NEK11: variants seen among roughly 807,000 people sequenced by gnomAD.
The protein encoded by NEK11 is NIMA related kinase 11, also known as serine/threonine-protein kinase Nek11.
Under a neutral mutation model 80.7 loss-of-function variants are expected in NEK11, and 72 were observed. That is an observed-to-expected ratio of 0.89 (90% CI 0.74 to 1.08). The LOEUF is 1.08. Among genes scored for constraint, NEK11 ranks in the 50% least tolerant of loss-of-function variants. NEK11 has a pLI of 0.00. For missense variants in NEK11, 764 were observed against 763.6 expected (o/e 1.00, Z -0.01); for synonymous variants, 251 against 260.7 (o/e 0.96, Z 0.36).
At chr3:131,031,701 ATTTGT>A (rs1255343489) in intron 3 of NEK11, among the ~76,000 whole-genome samples, 3 of 152,058 alleles carry the variant, frequency 2.0e-5, no homozygotes, top group African/African-American at 7.2e-5. Flanking sequence ...TTGGCAAGTG[ATTTGT>A]TAGTGATCTT....
chr3:131,177,915 A>T (rs914547331), intron 14 of NEK11, among the ~76,000 whole-genome samples: 1 of 152,212 alleles, frequency 6.6e-6, no homozygotes, highest in Non-Finnish European at 1.5e-5. Context: ...CCTTAAGCAA[A>T]CATCAGAGAG....
At chr3:131,042,502 C>T (rs1277985724) in intron 3 of NEK11, among the ~76,000 whole-genome samples, 2 of 152,164 alleles carry the variant, frequency 1.3e-5, no homozygotes, top group African/African-American at 4.8e-5. Context: ...CCAGGAAGTT[C>T]AAACTGGGTG....
At chr3:131,145,994 G>A (rs2088138293) in intron 7 of NEK11, among the ~76,000 whole-genome samples, 1 of 151,998 alleles carries the variant, frequency 6.6e-6, no homozygotes, top group African/African-American at 2.4e-5. Context: ...TACCATTTGT[G>A]TTATTGATGG....
intron 14 of NEK11, among the ~76,000 whole-genome samples, chr3:131,194,446 A>G (rs1387713306): frequency 6.6e-6 from 1 of 152,112 alleles, no homozygotes; most frequent in African/African-American, 2.4e-5. Flanking sequence ...AGGTGTTTTC[A>G]ATAGGATCCT....
intron 4 of NEK11, among the ~76,000 whole-genome samples, chr3:131,103,570 T>A (rs2078716535): frequency 6.6e-6 from 1 of 152,198 alleles, no homozygotes; most frequent in Admixed American, 6.5e-5. Flanking sequence ...TGTGGTGCAG[T>A]GGCAAGAGAG....
chr3:131,349,021 T>C (rs1014394552), intron 17 of NEK11, among the ~76,000 whole-genome samples: 2 of 152,166 alleles, frequency 1.3e-5, no homozygotes, highest in African/African-American at 4.8e-5. Flanking sequence ...CTGTTTCCCT[T>C]TGTTCTACTA....
At chr3:131,294,160 A>G (rs1424979559) in intron 17 of NEK11, among the ~76,000 whole-genome samples, 1 of 151,996 alleles carries the variant, frequency 6.6e-6, no homozygotes, top group Non-Finnish European at 1.5e-5. Flanking sequence ...AACTTAGATT[A>G]TGGATTTTAT....
At chr3:131,286,956 CAG>C (rs1319311134) in intron 17 of NEK11, among the ~76,000 whole-genome samples, 2 of 152,188 alleles carry the variant, frequency 1.3e-5, no homozygotes, top group African/African-American at 4.8e-5. Context: ...AATGCACAAA[CAG>C]AGCGGCCAGA....
chr3:131,199,890 G>T (rs562704010), intron 14 of NEK11, among the ~76,000 whole-genome samples: 2 of 152,066 alleles, frequency 1.3e-5, no homozygotes, highest in Non-Finnish European at 2.9e-5. Context: ...GCAAAAGACC[G>T]GGGAAACACA....
chr3:131,032,480 C>A (rs2065019236), intron 3 of NEK11, among the ~76,000 whole-genome samples: 1 of 152,330 alleles, frequency 6.6e-6, no homozygotes, highest in East Asian at 1.9e-4. Context: ...TGCATCACAC[C>A]TTTCCACTAC....
At chr3:131,119,279 T>A (rs938911935) in intron 5 of NEK11, among the ~76,000 whole-genome samples, 17 of 152,226 alleles carry the variant, frequency 1.1e-4, no homozygotes, top group African/African-American at 4.1e-4. Context: ...GTTGAGCGGT[T>A]TTGAGTGAGT....
At chr3:131,232,061 C>G (rs966921892) in intron 15 of NEK11, among the ~76,000 whole-genome samples, 2 of 152,158 alleles carry the variant, frequency 1.3e-5, no homozygotes, top group African/African-American at 4.8e-5. Context: ...TTATTAAGCA[C>G]CTAATTGCTG....
chr3:131,331,010 C>T (rs1430576208), intron 17 of NEK11: 1 of 152,140 alleles, frequency 6.6e-6, no homozygotes, highest in African/African-American at 2.4e-5. Flanking sequence ...TTAATCCATT[C>T]ATAAGGCAGA....
At chr3:131,086,947 G>A (rs1286484932) in intron 4 of NEK11, among the ~76,000 whole-genome samples, 1 of 152,100 alleles carries the variant, frequency 6.6e-6, no homozygotes, top group Non-Finnish European at 1.5e-5. Context: ...ATTTCCTTCA[G>A]CAAATTATTT....
intron 5 of NEK11, among the ~76,000 whole-genome samples, chr3:131,113,625 A>G (rs1231304931): frequency 6.6e-6 from 1 of 152,088 alleles, no homozygotes; most frequent in African/African-American, 2.4e-5. Context: ...AAAAAAAGAA[A>G]AAGCAGGCCG....
chr3:131,146,900 T>C (rs2088463382), intron 7 of NEK11, among the ~76,000 whole-genome samples: 1 of 152,092 alleles, frequency 6.6e-6, no homozygotes, highest in African/African-American at 2.4e-5. Context: ...TCTTATTGCT[T>C]TATAGAAGTT....
chr3:131,165,605 G>A (rs2092140392), intron 12 of NEK11, 86 bp downstream of exon 12: 1 of 787,962 alleles, frequency 1.3e-6, no homozygotes. Flanking sequence ...AAGGGACAAG[G>A]GAGAAAACAA....
intron 16 of NEK11, among the ~76,000 whole-genome samples, chr3:131,254,082 G>A (rs75125452): frequency 0.017 from 2,555 of 152,168 alleles, 74 homozygotes; most frequent in African/African-American, 0.059. Context: ...AATCTGTTGC[G>A]TTCTTTGGAG....
intron 3 of NEK11, among the ~76,000 whole-genome samples, chr3:131,031,681 G>A (rs1217494404): frequency 6.6e-6 from 1 of 152,104 alleles, no homozygotes; most frequent in Non-Finnish European, 1.5e-5. Context: ...AGGGGGCTGG[G>A]GCTGGTTGGT....
Sources: gnomAD v4.1 joint callset for allele counts (sites outside exome capture counted in the v4.1 genomes callset) on GRCh38, gnomAD v4.1.1 for gene constraint, MANE v1.5 for transcripts, NCBI Gene and HGNC (gene_info 2026-07-23, HGNC 2026-07-21) for gene names.